The following LRGUK variants were observed in gnomAD, a reference collection of about 807,000 sequenced individuals.
The protein encoded by LRGUK is leucine rich repeats and guanylate kinase domain containing, also known as leucine-rich repeat and guanylate kinase domain-containing protein.
LRGUK carries 65 observed loss-of-function variants against 76.0 expected under a neutral mutation model. The ratio of observed to expected loss-of-function variants is 0.85; its 90% CI spans 0.70 to 1.05. The LOEUF (loss-of-function observed/expected upper bound fraction) is 1.05, where lower values mean the gene tolerates loss of function less well. Among genes scored for constraint, LRGUK ranks in the 50% least tolerant of loss-of-function variants. LRGUK has a pLI of 0.00. For missense variants in LRGUK, 758 were observed against 732.8 expected, an observed-to-expected ratio of 1.03 and a Z score of -0.40; for synonymous variants, 268 against 265.6, an observed-to-expected ratio of 1.01 and a Z score of -0.09.
chr7:134,151,091 T>C (rs546065699), intron 5 of LRGUK, among the ~76,000 whole-genome samples: 16 of 152,210 alleles, frequency 1.1e-4, no homozygotes, highest in Non-Finnish European at 2.1e-4. Context: ...CTTTCTCTCC[T>C]GTTCTGTTTA....
At chr7:134,267,908 C>T (rs1020483773), downstream of LRGUK, among the ~76,000 whole-genome samples, 1 of 141,796 alleles carries the variant, frequency 7.1e-6, no homozygotes, top group Non-Finnish European at 1.6e-5. Flanking sequence ...TGCACAAGTA[C>T]CCCCAGAATC....
chr7:134,146,610 T>C (rs1797979946), intron 4 of LRGUK, among the ~76,000 whole-genome samples: 1 of 152,236 alleles, frequency 6.6e-6, no homozygotes, highest in South Asian at 2.1e-4. Context: ...TATTTCTTCA[T>C]ATAGTTTGCT....
intron 16 of LRGUK, among the ~76,000 whole-genome samples, chr7:134,237,913 G>A (rs1214375277): frequency 6.6e-6 from 1 of 152,100 alleles, no homozygotes; most frequent in African/African-American, 2.4e-5. Flanking sequence ...AGACACAGGA[G>A]ATGATACAAT....
At chr7:134,169,082 A>G (rs368330552) in intron 7 of LRGUK, among the ~76,000 whole-genome samples, 1 of 150,756 alleles carries the variant, frequency 6.6e-6, no homozygotes, top group African/African-American at 2.4e-5. Flanking sequence ...AACATCTTGG[A>G]TGTAAGGTGG....
intron 7 of LRGUK, among the ~76,000 whole-genome samples, chr7:134,164,356 G>A (rs1798883054): frequency 1.3e-5 from 2 of 152,148 alleles, no homozygotes; most frequent in South Asian, 2.1e-4. Context: ...ATACCAATCT[G>A]CATGGTGGCT....
chr7:134,213,840 T>C (rs1265893661), downstream of LRGUK, among the ~76,000 whole-genome samples: 1 of 152,218 alleles, frequency 6.6e-6, no homozygotes, highest in Non-Finnish European at 1.5e-5. Context: ...TTTTTACACA[T>C]AGAATAACAA....
At chr7:134,137,237 C>A in intron 2 of LRGUK, 107 bp downstream of exon 2, 1 of 786,334 alleles carries the variant, frequency 1.3e-6, no homozygotes, top group Non-Finnish European at 2.1e-6. Context: ...AATCTTGGAG[C>A]CTCGCATTTG....
At chr7:134,221,235 T>C (rs1453305135) in intron 15 of LRGUK, among the ~76,000 whole-genome samples, 1 of 152,202 alleles carries the variant, frequency 6.6e-6, no homozygotes, top group Non-Finnish European at 1.5e-5. Context: ...CAAAGCTATT[T>C]ACTCCTAGCC....
chr7:134,219,696 C>T (rs560296179), intron 15 of LRGUK, among the ~76,000 whole-genome samples: 219 of 150,726 alleles, frequency 1.5e-3, no homozygotes, highest in Non-Finnish European at 1.9e-3. Flanking sequence ...CTCTCTCTGT[C>T]TCTCTCTCTC....
chr7:134,169,242 T>A (rs1384549381), intron 7 of LRGUK, among the ~76,000 whole-genome samples: 5 of 144,586 alleles, frequency 3.5e-5, no homozygotes, highest in African/African-American at 1.0e-4. Flanking sequence ...GAGATTAGAG[T>A]TATGTTGCTG....
Position 134,143,044 on chromosome 7 carries a change from A to G in LRGUK, c.488-18A>G. 1.5e-6 allele frequency: 2 copies of G among 1,319,514 alleles called. No homozygotes were observed. The highest frequency in any genetic ancestry group is 2.2e-6 in the Non-Finnish European group (2 of 912,302). 81.7% of individuals were successfully genotyped at this position (1,319,514 alleles called of 1,614,324 possible). On this transcript the variant is annotated intron_variant, in intron 3 of 15. Transcript: ENST00000645682. ...ATTTTATTGGCTTACCTTATTCTGT[A>G]TCTGTTTCCCTCCGTAGATTTATCT...
downstream of LRGUK, among the ~76,000 whole-genome samples, chr7:134,268,370 A>G (rs973500188): frequency 1.7e-4 from 26 of 151,742 alleles, no homozygotes; most frequent in African/African-American, 5.4e-4. Flanking sequence ...GGCAATTTAG[A>G]TAAAACAAAC....
chr7:134,203,496 T>C (rs1162016769), intron 15 of LRGUK, among the ~76,000 whole-genome samples: 1 of 152,176 alleles, frequency 6.6e-6, no homozygotes, highest in East Asian at 1.9e-4. Flanking sequence ...TGCACACTTT[T>C]CCCAGGTTGA....
chr7:134,260,178 A>G (rs1180657691), intron 19 of LRGUK, among the ~76,000 whole-genome samples: 2 of 152,074 alleles, frequency 1.3e-5, no homozygotes, highest in Admixed American at 1.3e-4. Context: ...ATATGGTATT[A>G]TCACATATAA....
chr7:134,244,229 G>T (rs79117565), intron 16 of LRGUK, among the ~76,000 whole-genome samples: 71,776 of 151,918 alleles, frequency 0.47, 17,202 homozygotes, highest in South Asian at 0.56. Context: ...AAGAGCTTCT[G>T]CACAGCAAAA....
chr7:134,159,483 C>T (rs1260238417), intron 6 of LRGUK, among the ~76,000 whole-genome samples: 3 of 152,050 alleles, frequency 2.0e-5, no homozygotes, highest in African/African-American at 4.8e-5. Context: ...GCTTAGAGCT[C>T]GAAGTGCTTT....
In LRGUK at chr7:134,158,017, C is replaced by G; in HGVS notation, c.671-18C>G. The G allele has an allele frequency of 1.9e-6, 3 of 1,589,306 alleles. No homozygotes were observed. The highest frequency in any genetic ancestry group is 2.3e-5 in the East Asian group (1 of 44,440). The stretch of plus-strand genomic sequence containing the variant: ...TGCTTTTAATAACATTTTCCTTAAA[C>G]GTAGTCATGGTGTATAGGCAATGAG... On this transcript the variant is annotated intron_variant, in intron 5 of 15. Coordinates refer to ENST00000645682, the Ensembl canonical transcript of LRGUK.
chr7:134,275,651 TG>T, the LRGUK span, among the ~76,000 whole-genome samples: 1 of 152,196 alleles, frequency 6.6e-6, no homozygotes, highest in South Asian at 2.1e-4. Context: ...TTTATCAAGC[TG>T]TTGTCTTTCA....
chr7:134,255,298 G>T (rs941039305), intron 18 of LRGUK, among the ~76,000 whole-genome samples: 1 of 150,574 alleles, frequency 6.6e-6, no homozygotes, highest in South Asian at 2.1e-4. Context: ...AGAAAAAAAT[G>T]CTGTCATTTT....
Sources: gnomAD v4.1 joint callset for allele counts (sites outside exome capture counted in the v4.1 genomes callset) on GRCh38, gnomAD v4.1.1 for gene constraint, MANE v1.5 for transcripts, NCBI Gene and HGNC (gene_info 2026-07-23, HGNC 2026-07-21) for gene names.